Variants in KIAA0825 observed in about 807,000 individuals in gnomAD.
KIAA0825 encodes KIAA0825, also known as uncharacterized protein KIAA0825.
In KIAA0825, 119 loss-of-function variants were observed where a neutral mutation model predicts 147.6. That is an observed-to-expected ratio of 0.81 (90% CI 0.69 to 0.94). The LOEUF is 0.94. Ranked by LOEUF, KIAA0825 falls within the 40% of genes least tolerant of loss-of-function variation. KIAA0825 has a pLI of 0.00. For synonymous variants in KIAA0825, 470 were observed against 518.1 expected (o/e 0.91, Z 1.26); for missense variants, 1,381 against 1,472.7 (o/e 0.94, Z 1.02).
intron 2 of KIAA0825, among the ~76,000 whole-genome samples, chr5:94,557,980 C>A (rs1220617553): frequency 6.6e-6 from 1 of 152,192 alleles, no homozygotes; most frequent in African/African-American, 2.4e-5. Flanking sequence ...TGCTCCTGAT[C>A]CAGGGAGGCG....
intron 20 of KIAA0825, among the ~76,000 whole-genome samples, chr5:94,276,168 C>T (rs1172222704): frequency 6.6e-6 from 1 of 152,062 alleles, no homozygotes; most frequent in East Asian, 1.9e-4. Flanking sequence ...GTCTAACTCA[C>T]AGTCTAATGA....
Position 94,370,000 on chromosome 5 carries a change from A to C in KIAA0825, c.3710+14368T>G, listed in dbSNP as rs139077099. Among the ~76,000 whole-genome samples, 134 of 152,322 alleles carry C rather than the reference A, an allele frequency of 8.8e-4. No homozygotes were observed. In the East Asian group the frequency reaches 0.013, roughly 14 times the overall value. On this transcript the variant is annotated intron_variant, in intron 20 of 20. Coordinates refer to ENST00000682413, the MANE Select transcript of KIAA0825 (RefSeq NM_001145678.3). ...GCACTCCCACTCCTAGGTACTATCC[A>C]AGTGAAATAAAAACCTATGTTCATG...
intron 4 of KIAA0825, 23 bp downstream of exon 4, chr5:94,523,907 G>A: frequency 6.7e-7 from 1 of 1,503,446 alleles, no homozygotes; most frequent in Non-Finnish European, 9.1e-7. Flanking sequence ...CCCACTCCAT[G>A]ATAAAATAAA....
intron 20 of KIAA0825, among the ~76,000 whole-genome samples, chr5:94,245,845 G>A (rs531419531): frequency 2.6e-5 from 4 of 152,168 alleles, no homozygotes; most frequent in East Asian, 3.9e-4. Flanking sequence ...GTGGGTGCGC[G>A]GCGAGGAGGC....
chr5:94,386,018 C>G (rs1361877209), intron 19 of KIAA0825, among the ~76,000 whole-genome samples: 1 of 151,968 alleles, frequency 6.6e-6, no homozygotes, highest in East Asian at 1.9e-4. Flanking sequence ...ACTGACCAGC[C>G]AAAAGTTAAG....
intron 20 of KIAA0825, among the ~76,000 whole-genome samples, chr5:94,345,140 A>G (rs1782847392): frequency 6.6e-6 from 1 of 152,132 alleles, no homozygotes; most frequent in African/African-American, 2.4e-5. Context: ...TATAGGAGAA[A>G]GAAGAGGATG....
intron 7 of KIAA0825, 128 bp downstream of exon 7, chr5:94,476,982 AT>A: frequency 4.5e-6 from 3 of 673,256 alleles, no homozygotes; most frequent in Non-Finnish European, 7.4e-6. Flanking sequence ...CCAATTTTCA[AT>A]CCAAAATTGA....
At position 94,401,873 on chromosome 5, in the gene KIAA0825, T is replaced by G. The variant is rs1344584179; in HGVS notation, c.2887+1696A>C. 3.9e-5 allele frequency among the ~76,000 whole-genome samples: 6 copies of G among 152,182 alleles called. No individual in the cohort carries two copies. In the East Asian group the frequency reaches 1.2e-3, roughly 29 times the overall value. ...TCTACTGAATGAATAATGAAATTAA[T>G]AAATGACTTAATGTCCAGCATGTAC... On this transcript the variant is annotated intron_variant, in intron 16 of 20. Coordinates refer to ENST00000682413, the MANE Select transcript of KIAA0825 (RefSeq NM_001145678.3).
In KIAA0825 at chr5:94,386,310, T is replaced by C. The variant is rs1374649885; in HGVS notation, c.3551A>G (p.Asp1184Gly). 7 of 1,551,600 alleles carry C rather than the reference T, an allele frequency of 4.5e-6. No homozygotes were observed. The African/African-American group carries it at 8.2e-5, about 18-fold the overall frequency. Reference protein sequence around the residue: ...PLKTTLRSIEDQPSAFNPFHV... With the variant: ...PLKTTLRSIEGQPSAFNPFHV... ...GAAAGGGTTAAAGGCAGAAGGCTGATCTTCTATACTCCTCAAGGTCGTCTT... is the reference window on the plus strand; with the variant it reads ...GAAAGGGTTAAAGGCAGAAGGCTGACCTTCTATACTCCTCAAGGTCGTCTT... Residue 1184 changes from aspartate (D) to glycine (G), a missense_variant, in exon 19 of 21, where the codon GAT becomes GGT. By Grantham distance (94) the Asp-to-Gly change is moderately conservative. Transcript: ENST00000682413.
At chr5:94,194,637 T>G (rs1770971908) in intron 20 of KIAA0825, among the ~76,000 whole-genome samples, 1 of 152,182 alleles carries the variant, frequency 6.6e-6, no homozygotes, top group African/African-American at 2.4e-5. Flanking sequence ...CTGATGGGCC[T>G]TACCTCTTCC....
chr5:94,602,831 C>CT (rs200612253), intron 1 of KIAA0825, among the ~76,000 whole-genome samples: 5,048 of 141,236 alleles, frequency 0.036, 280 homozygotes, highest in African/African-American at 0.12. Flanking sequence ...TCGGGTATGC[C>CT]TTTTTTTTTT....
At chr5:94,229,627 T>G (rs1774514799) in intron 20 of KIAA0825, among the ~76,000 whole-genome samples, 1 of 151,996 alleles carries the variant, frequency 6.6e-6, no homozygotes, top group African/African-American at 2.4e-5. Flanking sequence ...CGAATTGTTA[T>G]CGTTTCCTGT....
chr5:94,467,471 T>C (rs1443343340), intron 10 of KIAA0825, among the ~76,000 whole-genome samples: 1 of 152,210 alleles, frequency 6.6e-6, no homozygotes, highest in Admixed American at 6.5e-5. Flanking sequence ...TCTTTGACTA[T>C]TGGAAAACAC....
intron 3 of KIAA0825, among the ~76,000 whole-genome samples, chr5:94,529,399 G>GTA (rs1477726324): frequency 3.3e-4 from 48 of 144,070 alleles, no homozygotes; most frequent in East Asian, 1.4e-3. Context: ...TATATCATAT[G>GTA]TATATCTCAT....
chr5:94,373,504 CT>C (rs1162620829), intron 20 of KIAA0825, among the ~76,000 whole-genome samples: 1 of 152,128 alleles, frequency 6.6e-6, no homozygotes, highest in African/African-American at 2.4e-5. Context: ...AACTTACAAT[CT>C]TGGTGGAAGG....
intron 15 of KIAA0825, among the ~76,000 whole-genome samples, chr5:94,412,441 G>A (rs939115251): frequency 2.0e-5 from 3 of 152,000 alleles, no homozygotes; most frequent in African/African-American, 7.3e-5. Context: ...TCACTCCATT[G>A]CCAGGCTGGA....
intron 12 of KIAA0825, among the ~76,000 whole-genome samples, chr5:94,461,837 C>T (rs1218754066): frequency 6.6e-5 from 10 of 151,900 alleles, no homozygotes; most frequent in East Asian, 3.9e-4. Context: ...TATTATAAGA[C>T]GTATTCTAAC....
chr5:94,327,777 G>C (rs1780846748), intron 20 of KIAA0825, among the ~76,000 whole-genome samples: 1 of 152,158 alleles, frequency 6.6e-6, no homozygotes, highest in South Asian at 2.1e-4. Context: ...GGAGGCTGAG[G>C]TGGGCAGATC....
At chr5:94,577,591 T>A (rs1034215009) in intron 2 of KIAA0825, among the ~76,000 whole-genome samples, 2 of 152,204 alleles carry the variant, frequency 1.3e-5, no homozygotes, top group Admixed American at 1.3e-4. Flanking sequence ...AGTATTGTTA[T>A]CTCAATTCCT....
Sources: gnomAD v4.1 joint callset for allele counts (sites outside exome capture counted in the v4.1 genomes callset) on GRCh38, gnomAD v4.1.1 for gene constraint, MANE v1.5 for transcripts, NCBI Gene and HGNC (gene_info 2026-07-23, HGNC 2026-07-21) for gene names.